Variants in PRRX1 observed in about 807,000 individuals in gnomAD.
PRRX1 encodes paired related homeobox 1, also known as paired mesoderm homeobox protein 1.
A neutral mutation model predicts 24.0 loss-of-function variants in PRRX1; 8 were observed. The observed-to-expected ratio is 0.33, with a 90% CI of 0.20 to 0.60. The LOEUF (loss-of-function observed/expected upper bound fraction) is 0.60. Ranked by LOEUF, PRRX1 falls within the 20% of genes least tolerant of loss-of-function variation. The pLI, the probability that PRRX1 is intolerant of heterozygous loss-of-function variation, is 0.82. For synonymous variants in PRRX1, 160 were observed against 131.7 expected (o/e 1.22, Z -1.47); for missense variants, 281 against 322.4 (o/e 0.87, Z 0.98).
chr1:170,709,841 G>A (rs1377609798), intron 1 of PRRX1, among the ~76,000 whole-genome samples: 1 of 152,188 alleles, frequency 6.6e-6, no homozygotes, highest in Non-Finnish European at 1.5e-5. Flanking sequence ...GGTTGATATA[G>A]GCAGTGTTTG....
intron 1 of PRRX1, among the ~76,000 whole-genome samples, chr1:170,718,049 G>T (rs1216851526): frequency 6.6e-6 from 1 of 152,192 alleles, no homozygotes; most frequent in East Asian, 1.9e-4. Flanking sequence ...AGAGAAGGTG[G>T]ACTGTACAAA....
intron 3 of PRRX1, among the ~76,000 whole-genome samples, chr1:170,735,017 T>C (rs1230944359): frequency 2.6e-5 from 4 of 152,184 alleles, no homozygotes; most frequent in Non-Finnish European, 4.4e-5. Flanking sequence ...GTCTATCTCA[T>C]TCCAGCCCTG....
In PRRX1 at chr1:170,678,083, A is replaced by G. The variant is rs1179409383; in HGVS notation, c.241+13624A>G. Reference sequence around the variant, plus strand: ...TGTGGGTTTACTTAACTTTTTGTACATGAATAATGCTCACCATGTTAACTA... The same window carrying G: ...TGTGGGTTTACTTAACTTTTTGTACGTGAATAATGCTCACCATGTTAACTA... On this transcript the variant is annotated intron_variant, in intron 1 of 3. Coordinates refer to ENST00000239461, the MANE Select transcript of PRRX1 (RefSeq NM_022716.4). 2.6e-5 allele frequency among the ~76,000 whole-genome samples: 4 copies of G among 152,208 alleles called. No individual in the cohort carries two copies. The East Asian group carries it at 7.7e-4, about 29-fold the overall frequency.
chr1:170,670,887 G>A (rs375110173), intron 1 of PRRX1, among the ~76,000 whole-genome samples: 3 of 152,078 alleles, frequency 2.0e-5, no homozygotes, highest in Non-Finnish European at 2.9e-5. Context: ...CTGTTCCCGC[G>A]GTTCTCAGAT....
intron 1 of PRRX1, among the ~76,000 whole-genome samples, chr1:170,683,888 C>A (rs1052691104): frequency 6.6e-6 from 1 of 152,108 alleles, no homozygotes; most frequent in Non-Finnish European, 1.5e-5. Flanking sequence ...TCAGTTAGGT[C>A]TTTTCTCCAA....
intron 1 of PRRX1, among the ~76,000 whole-genome samples, chr1:170,703,141 T>C (rs377741792): frequency 1.3e-5 from 2 of 152,384 alleles, no homozygotes; most frequent in South Asian, 4.1e-4. Flanking sequence ...TTATACCCAA[T>C]ACACTGCCAC....
chr1:170,728,747 T>C (rs750032757), intron 3 of PRRX1: 4 of 152,230 alleles, frequency 2.6e-5, no homozygotes, highest in Non-Finnish European at 4.4e-5. Flanking sequence ...TATATTTTGG[T>C]TGATTTCTAA....
chr1:170,673,229 C>T (rs1653202230), intron 1 of PRRX1, among the ~76,000 whole-genome samples: 1 of 152,114 alleles, frequency 6.6e-6, no homozygotes, highest in Non-Finnish European at 1.5e-5. Flanking sequence ...TATACCTGGG[C>T]ATTTTCACAT....
intron 1 of PRRX1, among the ~76,000 whole-genome samples, chr1:170,703,444 A>C (rs1654456880): frequency 6.6e-6 from 1 of 152,200 alleles, no homozygotes; most frequent in African/African-American, 2.4e-5. Context: ...GTACTTAATA[A>C]TTGTTTGTTA....
intron 1 of PRRX1, among the ~76,000 whole-genome samples, chr1:170,693,695 A>G (rs935022220): frequency 2.0e-5 from 3 of 152,152 alleles, no homozygotes; most frequent in African/African-American, 7.2e-5. Context: ...GGAAGCTGAC[A>G]ATTTATTATT....
chr1:170,669,014 C>A (rs563487863), intron 1 of PRRX1: 1 of 152,080 alleles, frequency 6.6e-6, no homozygotes, highest in African/African-American at 2.4e-5. Flanking sequence ...GAAGTAGGGG[C>A]CCGGGTTACC....
chr1:170,715,610 A>T (rs972651360), intron 1 of PRRX1, among the ~76,000 whole-genome samples: 1 of 152,190 alleles, frequency 6.6e-6, no homozygotes, highest in Non-Finnish European at 1.5e-5. Flanking sequence ...ATCTCCTATG[A>T]TTGTGGGAGA....
chr1:170,735,909 GGGACCCTAGA>G, intron 3 of PRRX1, 129 bp from the exon 4 acceptor site: 1 of 1,147,558 alleles, frequency 8.7e-7, no homozygotes, highest in Admixed American at 1.7e-5. Context: ...GGGGCTGTAA[GGGACCCTAGA>G]GGTCATCTAG....
intron 1 of PRRX1, among the ~76,000 whole-genome samples, chr1:170,707,717 G>C (rs1317579133): frequency 1.3e-5 from 2 of 152,108 alleles, no homozygotes; most frequent in African/African-American, 4.8e-5. Flanking sequence ...AAATAAGAAG[G>C]CTTGTCAATG....
chr1:170,714,457 C>T (rs1571340700), intron 1 of PRRX1, among the ~76,000 whole-genome samples: 1 of 152,216 alleles, frequency 6.6e-6, no homozygotes, highest in South Asian at 2.1e-4. Context: ...TTGGTTTCTG[C>T]TACTGGAGCT....
chr1:170,726,524 C>G (rs761900287), intron 3 of PRRX1, 123 bp downstream of exon 3: 162 of 1,209,866 alleles, frequency 1.3e-4, no homozygotes, highest in Non-Finnish European at 1.8e-4. Flanking sequence ...CAGAGACATT[C>G]AACTTGCTGA....
chr1:170,714,008 T>C (rs1654829215), intron 1 of PRRX1, among the ~76,000 whole-genome samples: 1 of 152,216 alleles, frequency 6.6e-6, no homozygotes, highest in Non-Finnish European at 1.5e-5. Flanking sequence ...AGACGATGTG[T>C]GTGTGCTGCT....
chr1:170,734,726 T>C (rs910601456), intron 3 of PRRX1, among the ~76,000 whole-genome samples: 1 of 152,232 alleles, frequency 6.6e-6, no homozygotes, highest in Non-Finnish European at 1.5e-5. Context: ...AAATTAAAGA[T>C]GTATATTTCT....
chr1:170,736,951 C>T lies in PRRX1; in HGVS notation c.*765C>T, dbSNP rs144145873. The T allele has an allele frequency of 2.2e-3, 446 of 198,570 alleles. 1 individual carries two copies. Among genetic ancestry groups the T allele is most frequent in the African/African-American group, 9.5e-3 (410 of 43,368 alleles). The allele number at this position is 198,570 out of a possible 1,614,324, so 12.3% of individuals were successfully genotyped here. On this transcript the variant is annotated 3_prime_UTR_variant, in exon 4 of 4. Transcript: ENST00000239461. ...CACCCTATGCAATCAATCAATCAAT[C>T]ATCTTAAGTTAAAGATATTTGTTGT...
Sources: gnomAD v4.1 joint callset for allele counts (sites outside exome capture counted in the v4.1 genomes callset) on GRCh38, gnomAD v4.1.1 for gene constraint, MANE v1.5 for transcripts, NCBI Gene and HGNC (gene_info 2026-07-23, HGNC 2026-07-21) for gene names.